FSTL4: variants seen among roughly 807,000 people sequenced by gnomAD.
The protein encoded by FSTL4 is follistatin-related protein 4.
A neutral mutation model predicts 78.2 loss-of-function variants in FSTL4; 28 were observed. The ratio of observed to expected loss-of-function variants is 0.36; its 90% confidence interval spans 0.27 to 0.49. The LOEUF (loss-of-function observed/expected upper bound fraction) is 0.49, where lower values mean the gene tolerates loss of function less well. FSTL4 is among the 20% of genes least tolerant of loss of function. The pLI is 0.98. For missense variants in FSTL4, 922 were observed against 1,084.9 expected, an observed-to-expected ratio of 0.85 and a Z score of 2.11; for synonymous variants, 422 against 440.5, an observed-to-expected ratio of 0.96 and a Z score of 0.53.
At chr5:133,463,676 T>C (rs1186874002) in intron 3 of FSTL4, among the ~76,000 whole-genome samples, 1 of 152,250 alleles carries the variant, frequency 6.6e-6, no homozygotes, top group Non-Finnish European at 1.5e-5. Context: ...ACTGGGTTTT[T>C]CATACAGCTA....
chr5:133,826,120 G>A, the FSTL4 span, among the ~76,000 whole-genome samples: 2 of 152,200 alleles, frequency 1.3e-5, no homozygotes, highest in Non-Finnish European at 2.9e-5. Flanking sequence ...CTTCCACTGC[G>A]CTCCATGGCT....
chr5:133,442,075 C>T (rs572666013), intron 3 of FSTL4, among the ~76,000 whole-genome samples: 1 of 152,298 alleles, frequency 6.6e-6, no homozygotes, highest in African/African-American at 2.4e-5. Flanking sequence ...ACATGCAGGT[C>T]AGAGGCAGGG....
At chr5:133,567,317 A>C in intron 2 of FSTL4, 98 bp from the exon 3 acceptor site, 1 of 896,158 alleles carries the variant, frequency 1.1e-6, no homozygotes, top group Non-Finnish European at 1.9e-6. Context: ...ATTTATGAAA[A>C]GGTGAACAAT....
chr5:133,237,703 G>A (rs1182030512), intron 7 of FSTL4, among the ~76,000 whole-genome samples: 2 of 152,206 alleles, frequency 1.3e-5, no homozygotes, highest in Admixed American at 6.5e-5. Flanking sequence ...CATTGGATGT[G>A]AGAAGAGAAA....
At chr5:133,761,133 T>G in the FSTL4 span, among the ~76,000 whole-genome samples, 1 of 152,266 alleles carries the variant, frequency 6.6e-6, no homozygotes, top group Admixed American at 6.5e-5. Flanking sequence ...CATTTTGTTC[T>G]ATTCTGACAT....
chr5:133,528,594 G>T (rs527863031), intron 3 of FSTL4, among the ~76,000 whole-genome samples: 212 of 152,240 alleles, frequency 1.4e-3, no homozygotes, highest in African/African-American at 4.2e-3. Context: ...ACCCAGGGCA[G>T]AGCCTGGCAC....
the FSTL4 span, among the ~76,000 whole-genome samples, chr5:133,787,478 T>C: frequency 1.3e-5 from 2 of 152,168 alleles, no homozygotes; most frequent in East Asian, 1.9e-4. Context: ...CACAAAACCA[T>C]GTCTTCCTGG....
chr5:133,739,221 G>A, the FSTL4 span, among the ~76,000 whole-genome samples: 1 of 151,950 alleles, frequency 6.6e-6, no homozygotes, highest in Admixed American at 6.5e-5. Flanking sequence ...ATCACAAACT[G>A]CTGATGATCC....
chr5:133,558,786 A>T (rs1015464483), intron 3 of FSTL4, among the ~76,000 whole-genome samples: 3 of 152,188 alleles, frequency 2.0e-5, no homozygotes, highest in Non-Finnish European at 4.4e-5. Flanking sequence ...TGATCTGCCA[A>T]GACACTGTGG....
chr5:133,431,442 G>T (rs1756936219), intron 3 of FSTL4, among the ~76,000 whole-genome samples: 1 of 152,164 alleles, frequency 6.6e-6, no homozygotes. Flanking sequence ...TTAGACCCCT[G>T]AGCCACCATG....
Position 133,222,049 on chromosome 5 carries a change from T to A in FSTL4, c.1340-1183A>T, listed in dbSNP as rs554810574. 2.0e-5 allele frequency among the ~76,000 whole-genome samples: 3 copies of A among 151,976 alleles called. No homozygotes were observed. In the South Asian group the frequency reaches 6.3e-4, roughly 32 times the overall value. Reference sequence around the variant, plus strand: ...TTTTCCAACAACTCTGCATGCAGTTTTCTGGGCCTTGGGTCCTTGGCACCC... The same window carrying A: ...TTTTCCAACAACTCTGCATGCAGTTATCTGGGCCTTGGGTCCTTGGCACCC... On this transcript the variant is annotated intron_variant, in intron 11 of 15. Transcript: ENST00000265342.
rs1360545249 is a variant in FSTL4 at position 133,236,515 on chromosome 5, G to T, written c.895-2978C>A. Among the ~76,000 whole-genome samples the T allele has an allele frequency of 6.6e-6, 1 of 152,156 alleles. No individual in the cohort carries two copies. The highest frequency in any genetic ancestry group is 2.4e-5 in the African/African-American group (1 of 41,452). On this transcript the variant is annotated intron_variant, in intron 7 of 15. Transcript: ENST00000265342. This position sits in a 1 kb window ranked among gnomAD's most constrained non-coding sequence, Gnocchi z 5.0. ...TAGGCTCTCCTTGCAGATTCATTCA[G>T]AGTGGGGTCTTCTCTCACCACCTCC... is the stretch of plus-strand genomic sequence containing the variant.
chr5:133,376,680 G>A (rs1414356764), intron 4 of FSTL4, among the ~76,000 whole-genome samples: 1 of 152,078 alleles, frequency 6.6e-6, no homozygotes, highest in African/African-American at 2.4e-5. Flanking sequence ...CCTGAGGTCA[G>A]GAGTTTGAGA....
intron 3 of FSTL4, among the ~76,000 whole-genome samples, chr5:133,451,799 T>C (rs1757388755): frequency 6.6e-6 from 1 of 152,072 alleles, no homozygotes; most frequent in African/African-American, 2.4e-5. Flanking sequence ...GAAACAGAAT[T>C]GTTCAAGTTG....
chr5:133,314,027 C>T (rs939585498), intron 5 of FSTL4, among the ~76,000 whole-genome samples: 4 of 152,196 alleles, frequency 2.6e-5, no homozygotes, highest in African/African-American at 9.7e-5. Context: ...CCTCAGGCCA[C>T]ATATCTGCCA....
intron 6 of FSTL4, among the ~76,000 whole-genome samples, chr5:133,299,754 T>C (rs897984115): frequency 6.6e-6 from 1 of 152,132 alleles, no homozygotes; most frequent in Non-Finnish European, 1.5e-5. Flanking sequence ...GGAAGGTGTG[T>C]GCACATCTTT....
chr5:133,517,447 A>AAAAAAAAAATATATATATAT (rs1554068019), intron 3 of FSTL4, among the ~76,000 whole-genome samples: 1 of 16,398 alleles, frequency 6.1e-5, no homozygotes, highest in African/African-American at 2.8e-4. Context: ...AAAAAAAAAA[A>AAAAAAAAAATATATATATAT]ATATATATAT....
At chr5:133,604,350 A>G (rs1222861893) in intron 1 of FSTL4, among the ~76,000 whole-genome samples, 1 of 152,176 alleles carries the variant, frequency 6.6e-6, no homozygotes, top group Non-Finnish European at 1.5e-5. Context: ...TTAGGCTGCC[A>G]TATAGCCACG....
chr5:133,517,563 T>C (rs1229924478), intron 3 of FSTL4, among the ~76,000 whole-genome samples: 1 of 140,132 alleles, frequency 7.1e-6, no homozygotes. Flanking sequence ...ATTTACATAA[T>C]TTTTGGCTGT....
Sources: allele counts gnomAD v4.1 joint callset (sites outside exome capture counted in the v4.1 genomes callset), GRCh38; gene constraint gnomAD v4.1.1; non-coding constraint Gnocchi (gnomAD v3.1); transcripts MANE v1.5; gene names NCBI Gene and HGNC (gene_info 2026-07-23, HGNC 2026-07-21).